The following DIS3L2 variants were observed in gnomAD, a reference collection of about 807,000 sequenced individuals.
The protein encoded by DIS3L2 is DIS3 like 3'-5' exoribonuclease 2.
DIS3L2 carries 34 observed loss-of-function variants against 97.5 expected under a neutral mutation model. The ratio of observed to expected loss-of-function variants is 0.35; its 90% confidence interval spans 0.27 to 0.46. The LOEUF (loss-of-function observed/expected upper bound fraction) is 0.46. Ranked by LOEUF, DIS3L2 falls within the 20% of genes least tolerant of loss-of-function variation. The probability of loss-of-function intolerance (pLI) is 1.00; values close to 1 mark genes in which losing one functional copy is unlikely to be tolerated. For synonymous variants in DIS3L2, 435 were observed against 445.2 expected, an observed-to-expected ratio of 0.98 and a Z score of 0.29; for missense variants, 1,038 against 1,146.0, an observed-to-expected ratio of 0.91 and a Z score of 1.36.
chr2:232,226,979 CAAAT>C lies in DIS3L2; in HGVS notation c.1205-11550_1205-11547del, dbSNP rs780240009. On this transcript the variant is annotated intron_variant, in intron 10 of 20. Coordinates refer to ENST00000325385, the MANE Select transcript of DIS3L2 (RefSeq NM_152383.5). ...AGCAAGACCCTGTCTCAAAAACAAA[CAAAT>C]AAACAAAAACAAAAACAAAAAAAAA... is the stretch of plus-strand genomic sequence containing the variant. Among the ~76,000 whole-genome samples, 102 of 151,510 alleles carry C rather than the reference CAAAT, an allele frequency of 6.7e-4. 1 individual carries two copies. Among genetic ancestry groups the C allele is most frequent in the African/African-American group, 2.3e-3 (94 of 41,230 alleles).
At position 232,247,621 on chromosome 2, in the gene DIS3L2, GGGGGGGGGGGGGGGC is replaced by G. The variant is rs1693292383; in HGVS notation, c.1318-1610_1318-1596del. Among the ~76,000 whole-genome samples, 11 of 57,762 alleles carry G rather than the reference GGGGGGGGGGGGGGGC, an allele frequency of 1.9e-4. 1 individual carries two copies. In the East Asian group the frequency reaches 4.1e-3, roughly 22 times the overall value. 37.9% of individuals were successfully genotyped at this position (57,762 alleles called of 152,430 possible). A position where few individuals can be genotyped will look rare whatever the true frequency, so the allele number is the denominator to read the frequency against. ...GCTTCAACATATAACTGCCGCGGGG[GGGGGGGGGGGGGGGC>G]GGGGGGGAGGGTGCCAATTCAGTCC... On this transcript the variant is annotated intron_variant, in intron 11 of 20. Transcript: ENST00000325385.
chr2:231,983,672 C>T (rs1198700512), intron 1 of DIS3L2, among the ~76,000 whole-genome samples: 1 of 152,048 alleles, frequency 6.6e-6, no homozygotes, highest in African/African-American at 2.4e-5. Context: ...GGGTGGATCA[C>T]GAGGTCAGGA....
chr2:232,258,838 C>T (rs902216495), intron 12 of DIS3L2, among the ~76,000 whole-genome samples: 1 of 152,106 alleles, frequency 6.6e-6, no homozygotes, highest in Non-Finnish European at 1.5e-5. Flanking sequence ...TTGGCTATTC[C>T]GAGGACCCCC....
chr2:232,198,803 C>G (rs1393745913), intron 9 of DIS3L2: 1 of 152,236 alleles, frequency 6.6e-6, no homozygotes, highest in Non-Finnish European at 1.5e-5. Flanking sequence ...GATTCTGGGC[C>G]TTTGCCCAAG....
chr2:231,965,563 G>A (rs1692685861), intron 1 of DIS3L2, among the ~76,000 whole-genome samples: 1 of 151,102 alleles, frequency 6.6e-6, no homozygotes, highest in African/African-American at 2.4e-5. Context: ...AAGATGTTTT[G>A]TTGCTTTCTT....
intron 5 of DIS3L2, among the ~76,000 whole-genome samples, chr2:232,080,724 A>T (rs1696361522): frequency 1.3e-5 from 2 of 151,874 alleles, no homozygotes; most frequent in East Asian, 1.9e-4. Context: ...AACATGACAA[A>T]ACCCCATCTC....
chr2:232,125,196 C>T (rs1159353321), intron 6 of DIS3L2, among the ~76,000 whole-genome samples: 1 of 152,236 alleles, frequency 6.6e-6, no homozygotes, highest in African/African-American at 2.4e-5. Flanking sequence ...TGCGGGGCTC[C>T]CATCTCATTG....
intron 1 of DIS3L2, among the ~76,000 whole-genome samples, chr2:231,987,118 G>A (rs1574788468): frequency 6.6e-6 from 1 of 152,294 alleles, no homozygotes; most frequent in Non-Finnish European, 1.5e-5. Flanking sequence ...TGGGCTGTGT[G>A]TTTCAGGCCA....
chr2:232,341,355 C>G (rs1696098699), downstream of DIS3L2, among the ~76,000 whole-genome samples: 1 of 152,220 alleles, frequency 6.6e-6, no homozygotes, highest in South Asian at 2.1e-4. Context: ...CTGAATTCCC[C>G]AGAAGAGCCT....
chr2:232,341,278 G>A (rs1434688943), downstream of DIS3L2, among the ~76,000 whole-genome samples: 1 of 152,218 alleles, frequency 6.6e-6, no homozygotes, highest in Non-Finnish European at 1.5e-5. Flanking sequence ...TCAGCCCCAG[G>A]TGGTGCCTGG....
intron 9 of DIS3L2, among the ~76,000 whole-genome samples, chr2:232,167,104 T>C (rs1690846569): frequency 6.6e-6 from 1 of 152,232 alleles, no homozygotes; most frequent in Admixed American, 6.5e-5. Flanking sequence ...TGATTTATTT[T>C]ACTCCTTTGC....
chr2:232,251,093 T>C (rs1693406494), intron 12 of DIS3L2, among the ~76,000 whole-genome samples: 1 of 152,242 alleles, frequency 6.6e-6, no homozygotes, highest in South Asian at 2.1e-4. Flanking sequence ...TTTATTTTAC[T>C]TTGATGAAAC....
intron 1 of DIS3L2, among the ~76,000 whole-genome samples, chr2:232,010,120 G>A (rs1694155754): frequency 6.6e-6 from 1 of 152,088 alleles, no homozygotes; most frequent in South Asian, 2.1e-4. Context: ...AGATTTTCTT[G>A]GACCAGCACT....
rs1402953928 is a variant in DIS3L2 at position 232,259,051 on chromosome 2, GC to G, written c.1426-4154del. Among the ~76,000 whole-genome samples the G allele has an allele frequency of 2.0e-5, 3 of 152,166 alleles. No individual in the cohort carries two copies. The East Asian group carries it at 5.8e-4, about 29-fold the overall frequency. On this transcript the variant is annotated intron_variant, in intron 12 of 20. Coordinates refer to ENST00000325385, the MANE Select transcript of DIS3L2 (RefSeq NM_152383.5). ...AGATTCGGCTGCCAGAGGTCCCTGT[GC>G]CTGAGCAGGAAGTTCCTGATGGCTC...
rs368022190 is a variant in DIS3L2, at chr2:232,334,362, T to C, written c.2159-7T>C. On this transcript the variant is annotated splice_region_variant and splice_polypyrimidine_tract_variant and intron_variant, in intron 17 of 20. Coordinates refer to ENST00000325385, the MANE Select transcript of DIS3L2 (RefSeq NM_152383.5). ...TCCCACTCTCATGCCTCACCCCCTC[T>C]TCCCAGGCTATAGGGAGCGACTAGA... is the stretch of plus-strand genomic sequence containing the variant. The C allele has an allele frequency of 1.1e-4, 171 of 1,612,776 alleles. No homozygotes were observed. Among genetic ancestry groups the C allele is most frequent in the Non-Finnish European group, 1.4e-4 (163 of 1,179,746 alleles).
chr2:232,048,978 C>G (rs547314979), intron 5 of DIS3L2, among the ~76,000 whole-genome samples: 15 of 152,130 alleles, frequency 9.9e-5, no homozygotes, highest in African/African-American at 3.6e-4. Flanking sequence ...GTTTGGTGTT[C>G]ATAGTATATA....
chr2:232,005,462 C>T (rs1209638293), intron 1 of DIS3L2, among the ~76,000 whole-genome samples: 1 of 152,154 alleles, frequency 6.6e-6, no homozygotes, highest in African/African-American at 2.4e-5. Context: ...TTTCTTCTAG[C>T]CAGGCGCAGC....
intron 10 of DIS3L2, among the ~76,000 whole-genome samples, chr2:232,233,026 C>G (rs1194941085): frequency 6.6e-6 from 1 of 152,152 alleles, no homozygotes; most frequent in Admixed American, 6.5e-5. Flanking sequence ...GGCACAGAAT[C>G]ACCAGGCTTC....
intron 13 of DIS3L2, among the ~76,000 whole-genome samples, chr2:232,296,038 A>G (rs1694718696): frequency 6.6e-6 from 1 of 152,180 alleles, no homozygotes. Flanking sequence ...AAACTTCAGA[A>G]CTGTATGTTC....
Sources: allele counts gnomAD v4.1 joint callset (sites outside exome capture counted in the v4.1 genomes callset), GRCh38; gene constraint gnomAD v4.1.1; transcripts MANE v1.5; gene names NCBI Gene and HGNC (gene_info 2026-07-23, HGNC 2026-07-21).